The following TPH1 variants were observed in gnomAD, a reference collection of about 807,000 sequenced individuals.
TPH1 encodes the protein tryptophan hydroxylase 1, also known as tryptophan 5-hydroxylase 1.
Under a neutral mutation model 49.5 loss-of-function variants are expected in TPH1, and 37 were observed. The observed-to-expected ratio is 0.75, with a 90% CI of 0.58 to 0.98. The LOEUF (loss-of-function observed/expected upper bound fraction) is 0.98. TPH1 is among the 50% of genes least tolerant of loss of function. TPH1 has a pLI of 0.00. For missense variants in TPH1, 487 were observed against 523.6 expected (o/e 0.93, Z 0.68); for synonymous variants, 160 against 182.1 (o/e 0.88, Z 0.98).
chr11:18,026,611 A>G lies in TPH1; in HGVS notation c.682T>C (p.Ser228Pro). 1 of 1,614,102 alleles carries G rather than the reference A, an allele frequency of 6.2e-7. No individual in the cohort carries two copies. The stretch of plus-strand genomic sequence containing the variant: ...AAGTAACCAGCCACAGGACGGATGG[A>G]AAAACCTGTACGCTCTGCAAAGCAA... ...SNFLKERTGF[S>P]IRPVAGYLSP... The change falls in exon 7 of 11, where the codon TCC (serine) becomes CCC (proline). Residue 228 changes from serine (S) to proline (P), a missense_variant. Ser to Pro is a moderately conservative substitution (Grantham distance 74). Transcript: ENST00000682019.
intron 2 of TPH1, among the ~76,000 whole-genome samples, chr11:18,036,859 CA>C (rs1848052181): frequency 6.6e-6 from 1 of 152,074 alleles, no homozygotes; most frequent in Admixed American, 6.6e-5. Flanking sequence ...ACTTAATGAA[CA>C]CCTGTGTAAC....
Position 18,019,433 on chromosome 11 carries a change from T to C in TPH1, c.*1558A>G, listed in dbSNP as rs1036583740. ...GTGATTCTGAGTTCCTTTATAGACC[T>C]GTTCAATTTGAGATGCTTGGCAGGG... On this transcript the variant is annotated 3_prime_UTR_variant, in exon 11 of 11. Coordinates refer to ENST00000682019, the MANE Select transcript of TPH1 (RefSeq NM_004179.3). The C allele has an allele frequency of 6.2e-6, 2 of 323,194 alleles. No individual in the cohort carries two copies. The highest frequency in any genetic ancestry group is 6.0e-6 in the Non-Finnish European group (1 of 166,534). 20.0% of individuals were successfully genotyped at this position (323,194 alleles called of 1,614,324 possible).
At position 18,020,619 on chromosome 11, in the gene TPH1, T is replaced by C. The variant is rs1441196344; in HGVS notation, c.*372A>G. On this transcript the variant is annotated 3_prime_UTR_variant, in exon 11 of 11. Coordinates refer to ENST00000682019, the MANE Select transcript of TPH1 (RefSeq NM_004179.3). ...CGCCATAATACTCCTCAAGTTATTC[T>C]AAGCGATCCTAAAGGGTCATTTTAC... 2 of 231,746 alleles carry C rather than the reference T, an allele frequency of 8.6e-6. No individual in the cohort carries two copies. Among genetic ancestry groups the C allele is most frequent in the East Asian group, 1.0e-4 (1 of 10,042 alleles). The allele number at this position is 231,746 out of a possible 1,614,324, so 14.4% of individuals were successfully genotyped here.
chr11:18,040,817 T>TA (rs1848093388), intron 1 of TPH1, 29 bp from the exon 2 acceptor site: 1 of 1,592,930 alleles, frequency 6.3e-7, no homozygotes, highest in Non-Finnish European at 8.5e-7. Flanking sequence ...GACTACGGGC[T>TA]AAAAAAGAAG....
intron 6 of TPH1, 72 bp downstream of exon 6, chr11:18,029,093 A>G (rs1414757248): frequency 1.3e-5 from 13 of 1,034,002 alleles, no homozygotes; most frequent in Non-Finnish European, 1.7e-5. Flanking sequence ...AAAAAAAAAA[A>G]AAAAAAAAAA....
chr11:18,042,685 T>A (rs1351437989), intron 1 of TPH1, among the ~76,000 whole-genome samples: 1 of 152,204 alleles, frequency 6.6e-6, no homozygotes, highest in Admixed American at 6.5e-5. Flanking sequence ...CACTAAGTAC[T>A]CAATAAGTAT....
At chr11:18,033,135 C>T (rs894142011) in intron 4 of TPH1, 139 bp downstream of exon 4, 3 of 699,080 alleles carry the variant, frequency 4.3e-6, no homozygotes, top group Non-Finnish European at 7.8e-6. Context: ...CACCTGTGAT[C>T]CCAGCTACTT....
chr11:18,042,444 A>G (rs1848106796), intron 1 of TPH1: 2 of 415,652 alleles, frequency 4.8e-6, no homozygotes, highest in Non-Finnish European at 9.4e-6. Flanking sequence ...GTGAAAATGT[A>G]AACAATAAAA....
chr11:18,036,115 C>T lies in TPH1; in HGVS notation c.145G>A (p.Glu49Lys), dbSNP rs1335764111. 11 of 1,613,126 alleles carry T rather than the reference C, an allele frequency of 6.8e-6. No individual in the cohort carries two copies. Among genetic ancestry groups the T allele is most frequent in the South Asian group, 3.3e-5 (3 of 91,028 alleles). ...TTTCTTCTTTTTGATTTTCGGGACT[C>T]GATATGTAACAGATTCACATGCTTC... ...QEKHVNLLHIESRKSKRRNSE... is the reference protein window; with the variant it reads ...QEKHVNLLHIKSRKSKRRNSE... Residue 49 changes from glutamate (E) to lysine (K), a missense_variant, in exon 3 of 11, where the codon GAG (glutamate) becomes AAG (lysine). By Grantham distance (56) the Glu-to-Lys change is moderately conservative (BLOSUM62 1). Transcript: ENST00000682019.
At chr11:18,030,041 T>C (rs1175986001) in intron 4 of TPH1, among the ~76,000 whole-genome samples, 1 of 152,062 alleles carries the variant, frequency 6.6e-6, no homozygotes, top group African/African-American at 2.4e-5. Context: ...TATTTGCCAT[T>C]TGCAGAAACA....
At position 18,019,789 on chromosome 11, in the gene TPH1, G is replaced by A. The variant is rs1172233924; in HGVS notation, c.*1202C>T. ...AAGAGACATAAGTTTGTATTTTGGAGTTCAGCTTCACCCATTTATAACAGG... is the reference window on the plus strand; with the variant it reads ...AAGAGACATAAGTTTGTATTTTGGAATTCAGCTTCACCCATTTATAACAGG... On this transcript the variant is annotated 3_prime_UTR_variant, in exon 11 of 11. Coordinates refer to ENST00000682019, the MANE Select transcript of TPH1 (RefSeq NM_004179.3). The A allele has an allele frequency of 2.2e-6, 1 of 455,368 alleles. No homozygotes were observed. Among genetic ancestry groups the A allele is most frequent in the African/African-American group, 2.0e-5 (1 of 50,042 alleles). 28.2% of individuals were successfully genotyped at this position (455,368 alleles called of 1,614,324 possible). A position where few individuals can be genotyped will look rare whatever the true frequency, so the allele number is the denominator to read the frequency against.
intron 2 of TPH1, among the ~76,000 whole-genome samples, chr11:18,040,378 T>G (rs575306651): frequency 3.2e-3 from 472 of 147,912 alleles, no homozygotes; most frequent in Middle Eastern, 7.3e-3. Flanking sequence ...TAGATATATA[T>G]ATAGAGAGAA....
chr11:18,042,428 T>G, intron 1 of TPH1: 1 of 430,702 alleles, frequency 2.3e-6, no homozygotes, highest in Admixed American at 2.8e-5. Context: ...GACGTTGTCC[T>G]AAAGCGTGAA....
chr11:18,033,062 G>A lies in TPH1; in HGVS notation c.402+212C>T, dbSNP rs180860058. Among the ~76,000 whole-genome samples the A allele has an allele frequency of 1.9e-3, 287 of 152,216 alleles. 1 individual carries two copies. The highest frequency in any genetic ancestry group is 6.2e-3 in the African/African-American group (257 of 41,536). On this transcript the variant is annotated intron_variant, in intron 4 of 10. Transcript: ENST00000682019. ...GAGGTCAGGAGTTTGAGACCAGCCTGGCCAACATGGTGAAACCCCATCTCT... is the reference window on the plus strand; with the variant it reads ...GAGGTCAGGAGTTTGAGACCAGCCTAGCCAACATGGTGAAACCCCATCTCT...
rs1847947293 is a variant in TPH1, at chr11:18,028,066, GCTGAGATTATCTA to G, written c.667+1086_667+1098del. Among the ~76,000 whole-genome samples the G allele has an allele frequency of 3.3e-5, 5 of 152,282 alleles. No homozygotes were observed. In the South Asian group the frequency reaches 1.0e-3, roughly 32 times the overall value. Reference sequence around the variant, plus strand: ...TTTGTTTTCTCCACTATGGTAATCTGCTGAGATTATCTACTGAGATAAAAGGGAAAATTTATAC... The same window carrying G: ...TTTGTTTTCTCCACTATGGTAATCTGCTGAGATAAAAGGGAAAATTTATAC... On this transcript the variant is annotated intron_variant, in intron 6 of 10. Coordinates refer to ENST00000682019, the MANE Select transcript of TPH1 (RefSeq NM_004179.3).
At position 18,025,685 on chromosome 11, in the gene TPH1, G is replaced by T. The variant is rs41274350; in HGVS notation, c.820C>A (p.Leu274Ile). Residue 274 changes from leucine (L) to isoleucine (I), a missense_variant, in exon 8 of 11, where the codon CTC becomes ATC. Coordinates refer to ENST00000682019, the MANE Select transcript of TPH1 (RefSeq NM_004179.3). Reference protein sequence around the residue: ...YTPEPDTCHELLGHVPLLAEP... With the variant: ...YTPEPDTCHEILGHVPLLAEP... ...GCCAAAAGCGGGACATGACCTAAGAGTTCATGGCAGGTATCTCTGAAAGAG... is the reference window on the plus strand; with the variant it reads ...GCCAAAAGCGGGACATGACCTAAGATTTCATGGCAGGTATCTCTGAAAGAG... 3.6e-4 allele frequency: 576 copies of T among 1,613,980 alleles called. No individual in the cohort carries two copies. The highest frequency in any genetic ancestry group is 4.7e-4 in the Non-Finnish European group (554 of 1,179,866).
intron 1 of TPH1, among the ~76,000 whole-genome samples, 22 bp downstream of exon 1, chr11:18,046,219 C>A (rs1848139900): frequency 6.6e-6 from 1 of 152,180 alleles, no homozygotes; most frequent in Admixed American, 6.5e-5. Flanking sequence ...CCGGTGCCCG[C>A]GGGAAGGGCC....
intron 2 of TPH1, among the ~76,000 whole-genome samples, chr11:18,036,649 C>G (rs1173379569): frequency 1.3e-5 from 2 of 152,152 alleles, no homozygotes; most frequent in African/African-American, 4.8e-5. Flanking sequence ...TGACCTCTCC[C>G]AAGTCAGCCT....
At chr11:18,037,185 C>A (rs1044523367) in intron 2 of TPH1, among the ~76,000 whole-genome samples, 3 of 151,866 alleles carry the variant, frequency 2.0e-5, no homozygotes, top group Non-Finnish European at 4.4e-5. Context: ...ATAGCAAGAC[C>A]CTGTCTCTAC....
Sources: allele counts gnomAD v4.1 joint callset (sites outside exome capture counted in the v4.1 genomes callset), GRCh38; gene constraint gnomAD v4.1.1; transcripts MANE v1.5; gene names NCBI Gene and HGNC (gene_info 2026-07-23, HGNC 2026-07-21).